CHAC1: variants seen among roughly 807,000 people sequenced by gnomAD.
The protein encoded by CHAC1 is ChaC glutathione specific gamma-glutamylcyclotransferase 1.
Under a neutral mutation model 22.1 loss-of-function variants are expected in CHAC1, and 22 were observed. The ratio of observed to expected loss-of-function variants is 1.00; its 90% CI spans 0.71 to 1.42. The LOEUF (loss-of-function observed/expected upper bound fraction) is 1.42. Ranked by LOEUF, CHAC1 falls within the 40% of genes most tolerant of loss-of-function variation. The pLI is 0.00. For missense variants in CHAC1, 272 were observed against 299.2 expected (o/e 0.91, Z 0.67); for synonymous variants, 145 against 128.7 (o/e 1.13, Z -0.86).
chr15:40,954,141 G>A (rs1346110078), intron 1 of CHAC1, 87 bp from the exon 2 acceptor site: 3 of 1,438,948 alleles, frequency 2.1e-6, no homozygotes, highest in South Asian at 1.2e-5. Flanking sequence ...TTGGAGGCCC[G>A]GGTCAGCGGG....
At position 40,953,770 on chromosome 15, in the gene CHAC1, C is replaced by G; in HGVS notation, c.187C>G (p.Arg63Gly). The G allele has an allele frequency of 6.3e-7, 1 of 1,599,242 alleles. No individual in the cohort carries two copies. Among genetic ancestry groups the G allele is most frequent in the East Asian group, 2.2e-5 (1 of 44,842 alleles). Reference protein sequence around the residue: ...RVGFVRGYSRRFWQGDTFHRG... With the variant: ...RVGFVRGYSRGFWQGDTFHRG... ...GGGCTTCGTGCGCGGCTACAGCCGC[C>G]GTTTCTGGCAGGGAGACACCTTCCA... Residue 63 changes from arginine to glycine, a missense_variant, in exon 1 of 3, where the codon CGT (arginine) becomes GGT (glycine). Physicochemically the swap from Arg to Gly is moderately radical, Grantham distance 125 (BLOSUM62 -2). Transcript: ENST00000617768.
At chr15:40,954,029 G>A (rs1484050386) in intron 1 of CHAC1, among the ~76,000 whole-genome samples, 199 bp from the exon 2 acceptor site, 1 of 28,858 alleles carries the variant, frequency 3.5e-5, no homozygotes, top group African/African-American at 4.5e-5. Context: ...CACCAACTGG[G>A]ACCACTGACA....
intron 2 of CHAC1, among the ~76,000 whole-genome samples, chr15:40,954,884 C>T (rs1893200198): frequency 6.6e-6 from 1 of 150,528 alleles, no homozygotes; most frequent in Non-Finnish European, 1.5e-5. Context: ...GGATTACAGG[C>T]ATGAGCTACT....
chr15:40,954,702 C>G (rs1034544615), intron 2 of CHAC1, among the ~76,000 whole-genome samples: 1 of 152,136 alleles, frequency 6.6e-6, no homozygotes, highest in African/African-American at 2.4e-5. Context: ...CTTCCAGATT[C>G]AAGCGATTCT....
At chr15:40,955,249 C>T (rs2140380567) in intron 2 of CHAC1, 124 bp from the exon 3 acceptor site, 1 of 1,006,116 alleles carries the variant, frequency 9.9e-7, no homozygotes, top group East Asian at 2.5e-5. Context: ...CACCAGATGG[C>T]TCATCAGCCG....
At position 40,956,229 on chromosome 15, in the gene CHAC1, T is replaced by C. The variant is rs1893244972; in HGVS notation, c.*455T>C. The C allele has an allele frequency of 6.1e-6, 1 of 163,344 alleles. No individual in the cohort carries two copies. Among genetic ancestry groups the C allele is most frequent in the Non-Finnish European group, 1.4e-5 (1 of 74,022 alleles). 10.1% of individuals were successfully genotyped at this position (163,344 alleles called of 1,614,324 possible). A position where few individuals can be genotyped will look rare whatever the true frequency, so the allele number is the denominator to read the frequency against. On this transcript the variant is annotated 3_prime_UTR_variant, in exon 3 of 3. Coordinates refer to ENST00000617768, the MANE Select transcript of CHAC1 (RefSeq NM_024111.6). Reference sequence around the variant, plus strand: ...AGGCTGGATGAGGGATAGTAGGGCATGAGGAGAAGGAGCCCTGTAAGGACT... The same window carrying C: ...AGGCTGGATGAGGGATAGTAGGGCACGAGGAGAAGGAGCCCTGTAAGGACT...
At position 40,955,642 on chromosome 15, in the gene CHAC1, G is replaced by A; in HGVS notation, c.537G>A (p.Leu179=). The A allele has an allele frequency of 2.5e-6, 4 of 1,613,252 alleles. No individual in the cohort carries two copies. The highest frequency in any genetic ancestry group is 2.5e-6 in the Non-Finnish European group (3 of 1,180,034). The change falls in exon 3 of 3, where the codon TTG becomes TTA. Residue 179 remains leucine (L), a synonymous_variant. Transcript: ENST00000617768. ...TCTCCGGCCACAACCTTGAATACTT[G>A]CTGCGTCTGGCAGACTTCATGCAGC... ...RGFSGHNLEY[L]LRLADFMQLC...
rs747504170 is a variant in CHAC1, at chr15:40,955,522, G to A, written c.417G>A (p.Lys139=). The A allele has an allele frequency of 2.5e-6, 4 of 1,614,198 alleles. No individual in the cohort carries two copies. Among genetic ancestry groups the A allele is most frequent in the Non-Finnish European group, 3.4e-6 (4 of 1,180,036 alleles). ...YPQDAPDQPL[K]ALAYVATPQN... is the part of the protein sequence containing the mutation. Reference sequence around the variant, plus strand: ...AAGATGCTCCTGACCAACCACTGAAGGCATTGGCCTATGTGGCCACCCCAC... The same window carrying A: ...AAGATGCTCCTGACCAACCACTGAAAGCATTGGCCTATGTGGCCACCCCAC... The change falls in exon 3 of 3, where the codon AAG becomes AAA. Residue 139 remains lysine (K), a synonymous_variant. Transcript: ENST00000617768.
rs753417690 is a variant in CHAC1, at chr15:40,953,681, T to C, written c.98T>C (p.Leu33Pro). 1.2e-6 allele frequency: 2 copies of C among 1,608,288 alleles called. No individual in the cohort carries two copies. The change falls in exon 1 of 3, where the codon CTG becomes CCG. Residue 33 changes from leucine (L) to proline (P), a missense_variant. Physicochemically the swap from Leu to Pro is moderately conservative, Grantham distance 98. Coordinates refer to ENST00000617768, the MANE Select transcript of CHAC1 (RefSeq NM_024111.6). ...CGAAACGACGGCGACCCTCAAGCGC[T>C]GTGGATTTTCGGGTACGGCTCCCTG... ...FPRNDGDPQA[L>P]WIFGYGSLVW...
Position 40,955,505 on chromosome 15 carries a change from C to A in CHAC1, c.400C>A (p.Pro134Thr). 3 of 1,614,208 alleles carry A rather than the reference C, an allele frequency of 1.9e-6. No individual in the cohort carries two copies. The highest frequency in any genetic ancestry group is 1.3e-5 in the African/African-American group (1 of 75,066). ...KEVTFYPQDA[P>T]DQPLKALAYV... The stretch of plus-strand genomic sequence containing the variant: ...GGTCACCTTCTATCCCCAAGATGCT[C>A]CTGACCAACCACTGAAGGCATTGGC... Residue 134 changes from proline to threonine, a missense_variant, in exon 3 of 3, where the codon CCT becomes ACT. Pro to Thr is a conservative substitution (Grantham distance 38, BLOSUM62 -1). Coordinates refer to ENST00000617768, the MANE Select transcript of CHAC1 (RefSeq NM_024111.6).
At position 40,955,799 on chromosome 15, in the gene CHAC1, C is replaced by A. The variant is rs1260047954; in HGVS notation, c.*25C>A. 2 of 1,556,648 alleles carry A rather than the reference C, an allele frequency of 1.3e-6. No individual in the cohort carries two copies. The highest frequency in any genetic ancestry group is 1.7e-6 in the Non-Finnish European group (2 of 1,156,816). ...AGGGGCTGAGCCCCTGCGGGGAGTG[C>A]TCATGTGGACATCAGGGCCAGACAC... On this transcript the variant is annotated 3_prime_UTR_variant, in exon 3 of 3. Transcript: ENST00000617768.
At chr15:40,954,302 G>A (rs1376637333) in intron 2 of CHAC1, 39 bp downstream of exon 2, 5 of 1,608,590 alleles carry the variant, frequency 3.1e-6, no homozygotes, top group Admixed American at 3.3e-5. Context: ...CTGGCCCAGT[G>A]TGAAGGGGGA....
In CHAC1 at chr15:40,956,155, A is replaced by G. The variant is rs1423760259; in HGVS notation, c.*381A>G. 5.2e-6 allele frequency: 1 copy of G among 192,812 alleles called. No individual in the cohort carries two copies. Among genetic ancestry groups the G allele is most frequent in the Non-Finnish European group, 1.1e-5 (1 of 92,298 alleles). The allele number at this position is 192,812 out of a possible 1,614,324, so 11.9% of individuals were successfully genotyped here. On this transcript the variant is annotated 3_prime_UTR_variant, in exon 3 of 3. Coordinates refer to ENST00000617768, the MANE Select transcript of CHAC1 (RefSeq NM_024111.6). ...AAGAGCCTCGATCCTCTGCTCACTCAGCCCAGCCATCCATAGCCCTGGGAA... is the reference window on the plus strand; with the variant it reads ...AAGAGCCTCGATCCTCTGCTCACTCGGCCCAGCCATCCATAGCCCTGGGAA...
intron 2 of CHAC1, among the ~76,000 whole-genome samples, chr15:40,954,936 G>A (rs1279310489): frequency 7.1e-6 from 1 of 140,982 alleles, no homozygotes; most frequent in Admixed American, 7.3e-5. Context: ...TTTTTAAGAC[G>A]GAGTCTTACC....
chr15:40,955,693 G>A lies in CHAC1; in HGVS notation c.588G>A (p.Glu196=). The A allele has an allele frequency of 6.2e-7, 1 of 1,609,192 alleles. No individual in the cohort carries two copies. Among genetic ancestry groups the A allele is most frequent in the Non-Finnish European group, 8.5e-7 (1 of 1,179,982 alleles). The change falls in exon 3 of 3, where the codon GAG becomes GAA. Residue 196 remains glutamate (E), a synonymous_variant. Coordinates refer to ENST00000617768, the MANE Select transcript of CHAC1 (RefSeq NM_024111.6). ...TCTGTGGGCCTCAGGCGCAGGACGA[G>A]CACCTGGCAGCCATCGTGGACGCTG... ...MQLCGPQAQD[E]HLAAIVDAVG... is the part of the protein sequence containing the mutation.
Position 40,954,259 on chromosome 15 carries a change from A to G in CHAC1, c.263A>G (p.His88Arg). The G allele has an allele frequency of 6.2e-7, 1 of 1,614,064 alleles. No individual in the cohort carries two copies. Among genetic ancestry groups the G allele is most frequent in the Non-Finnish European group, 8.5e-7 (1 of 1,180,008 alleles). Residue 88 changes from histidine (H) to arginine (R), a missense_variant, in exon 2 of 3, where the codon CAT becomes CGT. Physicochemically the swap from His to Arg is conservative, Grantham distance 29. Transcript: ENST00000617768. ...PGRVVTLLED[H>R]EGCTWGVAYQ... is the part of the protein sequence containing the mutation. Reference sequence around the variant, plus strand: ...CGTGTGGTGACGCTCCTTGAAGATCATGAGGTAAGTGCCCGAATCATGAAG... The same window carrying G: ...CGTGTGGTGACGCTCCTTGAAGATCGTGAGGTAAGTGCCCGAATCATGAAG...
chr15:40,954,157 T>C, intron 1 of CHAC1, 71 bp from the exon 2 acceptor site: 3 of 1,548,068 alleles, frequency 1.9e-6, no homozygotes, highest in Non-Finnish European at 2.7e-6. Flanking sequence ...GCGGGATTGA[T>C]AAAGGTTTCC....
At chr15:40,953,989 G>A (rs1282989712) in intron 1 of CHAC1, among the ~76,000 whole-genome samples, 175 bp downstream of exon 1, 4 of 152,162 alleles carry the variant, frequency 2.6e-5, no homozygotes, top group African/African-American at 7.2e-5. Flanking sequence ...GATGGCTGGA[G>A]TCTGTGAACC....
Position 40,955,994 on chromosome 15 carries a change from G to A in CHAC1, c.*220G>A, listed in dbSNP as rs1403361587. Reference sequence around the variant, plus strand: ...TTATTTATTGCACCATGTTGGTGTGGTGGGCAGGTGGAGGGCCTGCCCTGG... The same window carrying A: ...TTATTTATTGCACCATGTTGGTGTGATGGGCAGGTGGAGGGCCTGCCCTGG... On this transcript the variant is annotated 3_prime_UTR_variant, in exon 3 of 3. Transcript: ENST00000617768. The A allele has an allele frequency of 1.6e-5, 9 of 574,630 alleles. No individual in the cohort carries two copies. Among genetic ancestry groups the A allele is most frequent in the Non-Finnish European group, 2.7e-5 (9 of 329,180 alleles). 35.6% of individuals were successfully genotyped at this position (574,630 alleles called of 1,614,324 possible).
Sources: gnomAD v4.1 joint callset for allele counts (sites outside exome capture counted in the v4.1 genomes callset) on GRCh38, gnomAD v4.1.1 for gene constraint, MANE v1.5 for transcripts, NCBI Gene and HGNC (gene_info 2026-07-23, HGNC 2026-07-21) for gene names.